NXPE2: variants seen among roughly 807,000 people sequenced by gnomAD.
NXPE2 encodes the protein NXPE family member 2.
In NXPE2, 34 loss-of-function variants were observed where a neutral mutation model predicts 34.4. That is an observed-to-expected ratio of 0.99 (90% confidence interval 0.75 to 1.31). The LOEUF is 1.31. Among genes scored for constraint, NXPE2 ranks in the 40% most tolerant of loss-of-function variants. The probability of loss-of-function intolerance (pLI) is 0.00; values close to 1 mark genes in which losing one functional copy is unlikely to be tolerated. For missense variants in NXPE2, 649 were observed against 672.5 expected, an observed-to-expected ratio of 0.97 and a Z score of 0.39; for synonymous variants, 235 against 231.3, an observed-to-expected ratio of 1.02 and a Z score of -0.15.
the NXPE2 span, among the ~76,000 whole-genome samples, chr11:114,525,243 GA>G: frequency 6.6e-5 from 10 of 151,902 alleles, no homozygotes; most frequent in African/African-American, 2.4e-4. Context: ...CAAACTTTGG[GA>G]GTAGGTTTGC....
chr11:114,633,031 A>G, the NXPE2 span, among the ~76,000 whole-genome samples: 8 of 110,670 alleles, frequency 7.2e-5, no homozygotes, highest in South Asian at 1.5e-3. Context: ...ATAATGTAAT[A>G]TTTTATTATA....
chr11:114,494,488 C>G, the NXPE2 span, among the ~76,000 whole-genome samples: 1 of 152,114 alleles, frequency 6.6e-6, no homozygotes, highest in Non-Finnish European at 1.5e-5. Context: ...TACTAAGAGA[C>G]TATGATGCAT....
At chr11:114,796,670 G>A in the NXPE2 span, among the ~76,000 whole-genome samples, 1 of 152,212 alleles carries the variant, frequency 6.6e-6, no homozygotes, top group East Asian at 1.9e-4. Flanking sequence ...CAGGCTTTCT[G>A]CTGCTTTCTG....
At chr11:114,582,977 G>A in the NXPE2 span, 4 of 1,613,924 alleles carry the variant, frequency 2.5e-6, no homozygotes, top group East Asian at 4.5e-5. Flanking sequence ...TTGTGGAGTT[G>A]TTCCAGTAAT....
At chr11:114,628,256 C>A in the NXPE2 span, among the ~76,000 whole-genome samples, 1 of 148,782 alleles carries the variant, frequency 6.7e-6, no homozygotes, top group African/African-American at 2.5e-5. Flanking sequence ...CCAAAATTGA[C>A]CATATACTTG....
the NXPE2 span, among the ~76,000 whole-genome samples, chr11:114,810,345 T>C: frequency 7.1e-6 from 1 of 141,504 alleles, no homozygotes; most frequent in Non-Finnish European, 1.5e-5. Context: ...ACAAATGAGA[T>C]CTAATTAAAC....
At chr11:114,659,105 A>G in the NXPE2 span, among the ~76,000 whole-genome samples, 1 of 152,218 alleles carries the variant, frequency 6.6e-6, no homozygotes, top group African/African-American at 2.4e-5. Context: ...GACTAGATTG[A>G]GTCAATGCTC....
chr11:114,691,601 C>A (rs1951151543), intron 2 of NXPE2, among the ~76,000 whole-genome samples: 1 of 152,148 alleles, frequency 6.6e-6, no homozygotes, highest in Admixed American at 6.5e-5. Context: ...ACCCATGCTC[C>A]CCATGCCCTG....
At chr11:114,800,081 C>CTTCTATT in the NXPE2 span, among the ~76,000 whole-genome samples, 53 of 152,194 alleles carry the variant, frequency 3.5e-4, no homozygotes, top group African/African-American at 1.3e-3. Context: ...TGCCTAGATC[C>CTTCTATT]TTCTATTTCT....
chr11:114,656,783 C>G, the NXPE2 span, among the ~76,000 whole-genome samples: 2 of 152,118 alleles, frequency 1.3e-5, no homozygotes, highest in African/African-American at 4.8e-5. Context: ...ATAAAATACC[C>G]TTAAAATAGT....
the NXPE2 span, chr11:114,571,285 C>T: frequency 1.9e-6 from 3 of 1,613,872 alleles, no homozygotes; most frequent in Non-Finnish European, 2.5e-6. Flanking sequence ...ATAACAATGA[C>T]AGTATTTTTT....
chr11:114,516,714 G>A, the NXPE2 span, among the ~76,000 whole-genome samples: 2 of 151,930 alleles, frequency 1.3e-5, no homozygotes, highest in African/African-American at 2.4e-5. Context: ...GGAGAGGAAC[G>A]GACACAAAGC....
chr11:114,536,222 C>T, the NXPE2 span, among the ~76,000 whole-genome samples: 33 of 152,264 alleles, frequency 2.2e-4, no homozygotes, highest in African/African-American at 7.2e-4. Flanking sequence ...TGAAGATGTT[C>T]TTTGAAACCA....
chr11:114,626,987 TG>T, the NXPE2 span, among the ~76,000 whole-genome samples: 18 of 151,686 alleles, frequency 1.2e-4, no homozygotes, highest in South Asian at 4.2e-4. Context: ...TAAAAAGAAA[TG>T]AACAAAGCCT....
chr11:114,759,303 C>T, the NXPE2 span, among the ~76,000 whole-genome samples: 2 of 152,192 alleles, frequency 1.3e-5, no homozygotes. Context: ...TGAAATCTGT[C>T]TCTACCACCT....
the NXPE2 span, among the ~76,000 whole-genome samples, chr11:114,659,243 G>C: frequency 1.3e-5 from 2 of 152,056 alleles, no homozygotes; most frequent in Non-Finnish European, 2.9e-5. Flanking sequence ...GTACAGAAAA[G>C]GAAGAAAAAT....
the NXPE2 span, among the ~76,000 whole-genome samples, chr11:114,761,287 TAGGAG>T: frequency 1.3e-4 from 20 of 152,194 alleles, no homozygotes; most frequent in Non-Finnish European, 2.2e-4. Context: ...TGGCCTTTAT[TAGGAG>T]AGCAGTACGT....
chr11:114,786,372 C>G, the NXPE2 span, among the ~76,000 whole-genome samples: 1 of 136,364 alleles, frequency 7.3e-6, no homozygotes, highest in South Asian at 2.9e-4. Flanking sequence ...CCCCCCGCCC[C>G]ACCCCACATG....
chr11:114,552,743 G>T, the NXPE2 span: 1 of 255,818 alleles, frequency 3.9e-6, no homozygotes, highest in Non-Finnish European at 6.1e-6. Context: ...ATATGTTTCA[G>T]CAGCATTGAA....
Sources: gnomAD v4.1 joint callset for allele counts (sites outside exome capture counted in the v4.1 genomes callset) on GRCh38, gnomAD v4.1.1 for gene constraint, MANE v1.5 for transcripts, NCBI Gene and HGNC (gene_info 2026-07-23, HGNC 2026-07-21) for gene names.